The following ST18 variants were observed in gnomAD, a reference collection of about 807,000 sequenced individuals.
ST18 encodes suppression of tumorigenicity 18 protein.
A neutral mutation model predicts 110.0 loss-of-function variants in ST18; 50 were observed. That is an observed-to-expected ratio of 0.45 (90% CI 0.36 to 0.58). The LOEUF is 0.58. Ranked by LOEUF, ST18 falls within the 20% of genes least tolerant of loss-of-function variation. ST18 has a pLI of 0.00. For synonymous variants in ST18, 461 were observed against 452.4 expected (o/e 1.02, Z -0.24); for missense variants, 1,306 against 1,280.1 (o/e 1.02, Z -0.31).
intron 16 of ST18, among the ~76,000 whole-genome samples, chr8:52,146,439 T>C (rs1377174127): frequency 1.3e-5 from 2 of 152,182 alleles, no homozygotes; most frequent in African/African-American, 2.4e-5. Flanking sequence ...TTGGTGATTT[T>C]TTTTTCTTTT....
At chr8:52,178,849 T>C (rs1372345573) in intron 9 of ST18, among the ~76,000 whole-genome samples, 1 of 151,976 alleles carries the variant, frequency 6.6e-6, no homozygotes, top group East Asian at 1.9e-4. Flanking sequence ...AATACAACTT[T>C]GTTTTAAGCG....
intron 2 of ST18, among the ~76,000 whole-genome samples, chr8:52,248,813 G>A (rs2094061634): frequency 6.6e-6 from 1 of 152,116 alleles, no homozygotes; most frequent in Non-Finnish European, 1.5e-5. Flanking sequence ...AGGAAAAGAG[G>A]AGCTTTTGTT....
chr8:52,296,053 A>G (rs188351662), intron 2 of ST18, among the ~76,000 whole-genome samples: 236 of 152,258 alleles, frequency 1.5e-3, no homozygotes, highest in African/African-American at 5.3e-3. Flanking sequence ...CCTGCCTGGA[A>G]AATGCAAGCC....
chr8:52,141,181 C>A (rs935707719), intron 17 of ST18, among the ~76,000 whole-genome samples: 1 of 152,170 alleles, frequency 6.6e-6, no homozygotes, highest in Non-Finnish European at 1.5e-5. Flanking sequence ...TTTGAGAATG[C>A]AAAGTCTAAG....
intron 2 of ST18, chr8:52,407,833 A>T (rs1845052888): frequency 1.3e-5 from 2 of 152,130 alleles, no homozygotes; most frequent in Non-Finnish European, 2.9e-5. Context: ...TGGTTTCTGG[A>T]AAACAGTCCA....
At chr8:52,319,714 G>A (rs563187259) in intron 2 of ST18, among the ~76,000 whole-genome samples, 3 of 152,206 alleles carry the variant, frequency 2.0e-5, no homozygotes, top group South Asian at 2.1e-4. Flanking sequence ...GGTGATTCTC[G>A]GTTGAGGTTG....
intron 7 of ST18, among the ~76,000 whole-genome samples, 174 bp downstream of exon 7, chr8:52,214,029 C>T (rs564621388): frequency 1.3e-5 from 2 of 152,252 alleles, no homozygotes; most frequent in African/African-American, 4.8e-5. Context: ...TTTAACTCCT[C>T]GTTCATAATA....
chr8:52,219,694 A>G (rs1464227167), intron 5 of ST18, among the ~76,000 whole-genome samples: 1 of 151,992 alleles, frequency 6.6e-6, no homozygotes, highest in Non-Finnish European at 1.5e-5. Context: ...TGGGAAGCAG[A>G]TCTTCCTGAG....
intron 2 of ST18, among the ~76,000 whole-genome samples, chr8:52,272,459 T>C (rs969607070): frequency 2.0e-5 from 3 of 152,174 alleles, no homozygotes; most frequent in Non-Finnish European, 2.9e-5. Context: ...GACATAGATA[T>C]AGATATAATG....
At chr8:52,324,160 G>A (rs944603584) in intron 2 of ST18, among the ~76,000 whole-genome samples, 3 of 152,300 alleles carry the variant, frequency 2.0e-5, no homozygotes, top group Admixed American at 6.5e-5. Context: ...CTTCTGAGCT[G>A]GTTCCTCTCA....
chr8:52,274,530 T>G (rs573515633), intron 2 of ST18, among the ~76,000 whole-genome samples: 90 of 141,286 alleles, frequency 6.4e-4, no homozygotes, highest in African/African-American at 2.8e-3. Context: ...CAAGTTTCTT[T>G]TTTTCGTTCT....
intron 2 of ST18, among the ~76,000 whole-genome samples, chr8:52,253,651 C>A (rs1247817486): frequency 6.6e-6 from 1 of 152,080 alleles, no homozygotes; most frequent in African/African-American, 2.4e-5. Context: ...ATTGGTTATT[C>A]ATATACAATT....
chr8:52,380,118 C>T (rs766721719), intron 2 of ST18, among the ~76,000 whole-genome samples: 19 of 151,860 alleles, frequency 1.3e-4, no homozygotes, highest in Non-Finnish European at 2.8e-4. Context: ...TCCCAGGAAG[C>T]AGAGAAAAGT....
chr8:52,248,162 C>G (rs1017408625), intron 2 of ST18, among the ~76,000 whole-genome samples: 3 of 152,058 alleles, frequency 2.0e-5, no homozygotes, highest in African/African-American at 7.2e-5. Flanking sequence ...TACTACTAAG[C>G]TATTTATTCA....
chr8:52,179,999 G>A, intron 9 of ST18, 123 bp downstream of exon 9: 1 of 1,057,072 alleles, frequency 9.5e-7, no homozygotes, highest in South Asian at 1.7e-5. Context: ...GTTTCATTTT[G>A]CTTCCAAATC....
Position 52,212,612 on chromosome 8 carries a change from A to C in ST18, c.56-503T>G, listed in dbSNP as rs556492729. Among the ~76,000 whole-genome samples the C allele has an allele frequency of 5.3e-5, 8 of 152,312 alleles. No individual in the cohort carries two copies. The South Asian group carries it at 1.7e-3, about 32-fold the overall frequency. On this transcript the variant is annotated intron_variant, in intron 7 of 25. Coordinates refer to ENST00000689386, the MANE Select transcript of ST18 (RefSeq NM_001352837.2). ...ATGTTAATATCACCAACCTTTTAAA[A>C]ATGAAGAACTTACAGGAAAAACAGC...
rs868542776 is a variant in ST18 at position 52,113,987 on chromosome 8, G to T, written c.3004-649C>A. ...TTTTTTTTTTTTTTTTTTTTTTTTT[G>T]GAGTCAGAGTCTCGCTCTATTGTCC... On this transcript the variant is annotated intron_variant, in intron 25 of 25. Transcript: ENST00000689386. Among the ~76,000 whole-genome samples the T allele has an allele frequency of 2.2e-4, 4 of 17,858 alleles. No homozygotes were observed. In the South Asian group the frequency reaches 9.6e-3, roughly 43 times the overall value. The allele number at this position is 17,858 out of a possible 152,430, so 11.7% of individuals were successfully genotyped here.
Position 52,139,322 on chromosome 8 carries a change from T to TTATA in ST18, c.2169-1843_2169-1840dup, listed in dbSNP as rs58564463. On this transcript the variant is annotated intron_variant, in intron 17 of 25. Transcript: ENST00000689386. ...ATTTAGTGTTACAAACAGCATTGCA[T>TTATA]TATATATATATATATATATATACAC... Among the ~76,000 whole-genome samples, 96 of 148,528 alleles carry TTATA rather than the reference T, an allele frequency of 6.5e-4. 1 individual carries two copies. Among genetic ancestry groups the TTATA allele is most frequent in the South Asian group, 2.4e-3 (11 of 4,676 alleles).
rs142281848 is a variant in ST18, at chr8:52,352,268, G to A, written c.-465+57060C>T. 6.6e-5 allele frequency among the ~76,000 whole-genome samples: 10 copies of A among 152,200 alleles called. No homozygotes were observed. In the East Asian group the frequency reaches 1.4e-3, roughly 21 times the overall value. On this transcript the variant is annotated intron_variant, in intron 2 of 25. Transcript: ENST00000689386. ...AGTCAGCCTAGATTGCACTTGGCGC[G>A]GACAAGACCACAAGCCCCAGCTTTC...
Sources: allele counts gnomAD v4.1 joint callset (sites outside exome capture counted in the v4.1 genomes callset), GRCh38; gene constraint gnomAD v4.1.1; transcripts MANE v1.5; gene names NCBI Gene and HGNC (gene_info 2026-07-23, HGNC 2026-07-21).